The following C2CD2L variants were observed in gnomAD, a reference collection of about 807,000 sequenced individuals.
The protein encoded by C2CD2L is phospholipid transfer protein C2CD2L.
Under a neutral mutation model 69.9 loss-of-function variants are expected in C2CD2L, and 24 were observed. The observed-to-expected ratio is 0.34, with a 90% CI of 0.25 to 0.48. The LOEUF is 0.48. C2CD2L is among the 20% of genes least tolerant of loss of function. The probability of loss-of-function intolerance (pLI) is 0.99; values close to 1 mark genes in which losing one functional copy is unlikely to be tolerated. For missense variants in C2CD2L, 811 were observed against 941.5 expected, an observed-to-expected ratio of 0.86 and a Z score of 1.81; for synonymous variants, 367 against 391.0, an observed-to-expected ratio of 0.94 and a Z score of 0.72.
rs777559347 is a variant in C2CD2L at position 119,113,940 on chromosome 11, G to A, written c.1575G>A (p.Lys525=). 104 of 1,614,050 alleles carry A rather than the reference G, an allele frequency of 6.4e-5. No homozygotes were observed. The highest frequency in any genetic ancestry group is 8.7e-5 in the Non-Finnish European group (103 of 1,180,030). ...CAGAGCCCAGTGGGCGGGTGGCCAA[G>A]AAGACACCCACCAAGCGCAGCACTC... ...QLTEPSGRVA[K]KTPTKRSTLI... Residue 525 remains lysine, a synonymous_variant, in exon 12 of 14, where the codon AAG becomes AAA. Transcript: ENST00000648610.
upstream of C2CD2L, chr11:119,102,320 T>A: frequency 2.1e-6 from 1 of 471,528 alleles, no homozygotes; most frequent in South Asian, 1.5e-5. Flanking sequence ...GACGAGGGTG[T>A]GGAGACGCGC....
intron 10 of C2CD2L, 175 bp from the exon 11 acceptor site, chr11:119,113,436 G>A: frequency 1.1e-6 from 1 of 907,402 alleles, no homozygotes; most frequent in Non-Finnish European, 1.6e-6. Flanking sequence ...ACTCCCATTA[G>A]CTCCTGGGGT....
Position 119,113,648 on chromosome 11 carries a change from C to T in C2CD2L, c.1425C>T (p.Thr475=), listed in dbSNP as rs781481883. ...PSRSPSKVEV[T]EKTTTVLSES... ...GCTCCCCGTCCAAGGTGGAGGTGAC[C>T]GAGAAGACGACAACTGTGCTGAGTG... The change falls in exon 11 of 14, where the codon ACC becomes ACT. Residue 475 remains threonine (T), a synonymous_variant. Coordinates refer to ENST00000648610, the MANE Select transcript of C2CD2L (RefSeq NM_001290474.2). The T allele has an allele frequency of 6.2e-6, 10 of 1,613,866 alleles. No individual in the cohort carries two copies. The highest frequency in any genetic ancestry group is 1.3e-5 in the African/African-American group (1 of 74,920).
chr11:119,107,585 C>A lies in C2CD2L; in HGVS notation c.-157C>A. 2.3e-6 allele frequency: 1 copy of A among 432,792 alleles called. No homozygotes were observed. The highest frequency in any genetic ancestry group is 4.0e-6 in the Non-Finnish European group (1 of 249,922). The allele number at this position is 432,792 out of a possible 1,614,324, so 26.8% of individuals were successfully genotyped here. A position where few individuals can be genotyped will look rare whatever the true frequency, so the allele number is the denominator to read the frequency against. ...AGGACCTCCTCTCCTCGCCCTGTGG[C>A]ACCCACTAGTCCTGGGCACTCAGCC... On this transcript the variant is annotated 5_prime_UTR_variant, in exon 1 of 14. Coordinates refer to ENST00000648610, the MANE Select transcript of C2CD2L (RefSeq NM_001290474.2). This position sits in a 1 kb window ranked among gnomAD's most constrained non-coding sequence, Gnocchi z 5.4.
At chr11:119,108,353 C>T (rs1198895178) in intron 1 of C2CD2L, 5 of 426,766 alleles carry the variant, frequency 1.2e-5, no homozygotes, top group African/African-American at 6.2e-5. Flanking sequence ...CTCATAGCAA[C>T]GCTAATCCCT....
chr11:119,115,726 C>T, intron 13 of C2CD2L: 1 of 448,282 alleles, frequency 2.2e-6, no homozygotes, highest in Non-Finnish European at 4.0e-6. Flanking sequence ...CCAGTTTGTC[C>T]TCACAAAGCG....
Position 119,111,021 on chromosome 11 carries a change from C to T in C2CD2L, c.682-31C>T, listed in dbSNP as rs780057011. The T allele has an allele frequency of 5.0e-6, 8 of 1,613,204 alleles. No homozygotes were observed. The East Asian group carries it at 1.8e-4, about 36-fold the overall frequency. The stretch of plus-strand genomic sequence containing the variant: ...GAGGGAGGCAGAGGTGGGGGATCCA[C>T]CTCCTTGTTGTTCCCTTCTTCTCTC... On this transcript the variant is annotated intron_variant, in intron 4 of 13. Coordinates refer to ENST00000648610, the MANE Select transcript of C2CD2L (RefSeq NM_001290474.2).
At position 119,114,790 on chromosome 11, in the gene C2CD2L, A is replaced by C; in HGVS notation, c.1909+425A>C. ...CCCATCTCTACTAAAAATACAATAA[A>C]TTGGCTGGGCGTAGTGGCACACACC... is the stretch of plus-strand genomic sequence containing the variant. On this transcript the variant is annotated intron_variant, in intron 13 of 13. Transcript: ENST00000648610. This position sits in a 1 kb window ranked among gnomAD's most constrained non-coding sequence, Gnocchi z 5.1. The C allele has an allele frequency of 4.5e-6, 1 of 222,024 alleles. No homozygotes were observed. The highest frequency in any genetic ancestry group is 1.3e-4 in the East Asian group (1 of 7,966). 13.8% of individuals were successfully genotyped at this position (222,024 alleles called of 1,614,324 possible).
chr11:119,108,539 A>T (rs540294783), intron 1 of C2CD2L, among the ~76,000 whole-genome samples: 15 of 152,166 alleles, frequency 9.9e-5, no homozygotes, highest in Admixed American at 9.2e-4. Context: ...TCACCCCCCT[A>T]CCCGACAGTA....
intron 1 of C2CD2L, 155 bp downstream of exon 1, chr11:119,108,250 A>AG (rs758040076): frequency 5.0e-5 from 27 of 545,312 alleles, no homozygotes; most frequent in Non-Finnish European, 8.0e-5. Flanking sequence ...GGTGCCGCTA[A>AG]GGCTGGAGGT....
At position 119,112,810 on chromosome 11, in the gene C2CD2L, C is replaced by T. The variant is rs377510226; in HGVS notation, c.1323C>T (p.Pro441=). Residue 441 remains proline, a synonymous_variant, in exon 10 of 14, where the codon CCC becomes CCT. Coordinates refer to ENST00000648610, the MANE Select transcript of C2CD2L (RefSeq NM_001290474.2). ...TTGAGCTTGACCGGACCATCATGCC[C>T]GATGGCACCATTGTCACCACAGTCA... The part of the protein sequence containing the change: ...KKIELDRTIM[P]DGTIVTTVTT... 4.7e-5 allele frequency: 76 copies of T among 1,613,956 alleles called. No individual in the cohort carries two copies. Among genetic ancestry groups the T allele is most frequent in the Non-Finnish European group, 6.3e-5 (74 of 1,179,966 alleles).
upstream of C2CD2L, among the ~76,000 whole-genome samples, chr11:119,105,410 G>A (rs771512258): frequency 7.9e-5 from 12 of 152,156 alleles, no homozygotes; most frequent in East Asian, 1.9e-4. Context: ...AGGCCGAGGC[G>A]GGAGGATCAC....
intron 1 of C2CD2L, among the ~76,000 whole-genome samples, chr11:119,108,792 G>T (rs1356542156): frequency 6.6e-6 from 1 of 152,198 alleles, no homozygotes; most frequent in Non-Finnish European, 1.5e-5. Context: ...TAAGGTGGGA[G>T]GTAGAAGTCT....
In C2CD2L at chr11:119,109,084, A is replaced by G. The variant is rs149300588; in HGVS notation, c.354+989A>G. Among the ~76,000 whole-genome samples the G allele has an allele frequency of 5.7e-4, 87 of 152,038 alleles. No individual in the cohort carries two copies. The East Asian group carries it at 0.015, about 27-fold the overall frequency. ...GTACCTTGTCCCTCGGTCAGAAGCA[A>G]CTCCCCAGGATAGCTGACTCAACTG... is the stretch of plus-strand genomic sequence containing the variant. On this transcript the variant is annotated intron_variant, in intron 1 of 13. Coordinates refer to ENST00000648610, the MANE Select transcript of C2CD2L (RefSeq NM_001290474.2). The surrounding 1 kb of genome is among the most constrained non-coding windows in gnomAD (Gnocchi z 5.1).
At chr11:119,115,212 G>C (rs1275594516) in intron 13 of C2CD2L, 3 of 143,460 alleles carry the variant, frequency 2.1e-5, no homozygotes, top group African/African-American at 7.8e-5. Context: ...CCCAGATCAT[G>C]ACACTGCACT....
chr11:119,105,424 A>T (rs1257096960), upstream of C2CD2L, among the ~76,000 whole-genome samples: 1 of 152,180 alleles, frequency 6.6e-6, no homozygotes, highest in Non-Finnish European at 1.5e-5. Context: ...GGATCACCTG[A>T]GGTCAGGAGT....
At chr11:119,103,220 TC>T (rs777552701), upstream of C2CD2L, among the ~76,000 whole-genome samples, 8 of 152,104 alleles carry the variant, frequency 5.3e-5, no homozygotes, top group Non-Finnish European at 1.0e-4. Flanking sequence ...TACCTTTCAT[TC>T]CCCGACAGGC....
Position 119,112,729 on chromosome 11 carries a change from C to G in C2CD2L, c.1242C>G (p.Asn414Lys). The G allele has an allele frequency of 6.2e-7, 1 of 1,613,920 alleles. No homozygotes were observed. The highest frequency in any genetic ancestry group is 1.1e-5 in the South Asian group (1 of 91,082). Reference sequence around the variant, plus strand: ...ACTATGAGGAGGGCTCTCCCCGGAACCTGGGTACTCCCACCTCCTCCACTC... The same window carrying G: ...ACTATGAGGAGGGCTCTCCCCGGAAGCTGGGTACTCCCACCTCCTCCACTC... Reference protein sequence around the residue: ...ELHYEEGSPRNLGTPTSSTPR... With the variant: ...ELHYEEGSPRKLGTPTSSTPR... The change falls in exon 10 of 14, where the codon AAC becomes AAG. Residue 414 changes from asparagine (N) to lysine (K), a missense_variant. Coordinates refer to ENST00000648610, the MANE Select transcript of C2CD2L (RefSeq NM_001290474.2).
chr11:119,102,950 G>A (rs1318606861), upstream of C2CD2L, among the ~76,000 whole-genome samples: 1 of 121,408 alleles, frequency 8.2e-6, no homozygotes, highest in Non-Finnish European at 1.6e-5. Flanking sequence ...TCGGCTCACC[G>A]AAACCTCCAC....
Sources: gnomAD v4.1 joint callset for allele counts (sites outside exome capture counted in the v4.1 genomes callset) on GRCh38, gnomAD v4.1.1 for gene constraint, Gnocchi (gnomAD v3.1) non-coding constraint, MANE v1.5 for transcripts, NCBI Gene and HGNC (gene_info 2026-07-23, HGNC 2026-07-21) for gene names.